The following CAB39 variants were observed in gnomAD, a reference collection of about 807,000 sequenced individuals.
The protein encoded by CAB39 is calcium-binding protein 39.
Under a neutral mutation model 40.0 loss-of-function variants are expected in CAB39, and 8 were observed. The ratio of observed to expected loss-of-function variants is 0.20; its 90% CI spans 0.12 to 0.36. The LOEUF (loss-of-function observed/expected upper bound fraction) is 0.36. CAB39 is among the 10% of genes least tolerant of loss of function. CAB39 has a pLI of 1.00. For synonymous variants in CAB39, 156 were observed against 141.6 expected (o/e 1.10, Z -0.72); for missense variants, 270 against 401.1 (o/e 0.67, Z 2.79).
At position 230,814,043 on chromosome 2, in the gene CAB39, T is replaced by C. The variant is rs996112577; in HGVS notation, c.628-6T>C. On this transcript the variant is annotated splice_region_variant and splice_polypyrimidine_tract_variant and intron_variant, in intron 6 of 8. Transcript: ENST00000258418. ...TAACCCTGATTTATGTTCTCTTATCTTTTAGTTTTTCAGTGAATATGAGAA... is the reference window on the plus strand; with the variant it reads ...TAACCCTGATTTATGTTCTCTTATCCTTTAGTTTTTCAGTGAATATGAGAA... The C allele has an allele frequency of 4.6e-6, 5 of 1,089,364 alleles. No individual in the cohort carries two copies. Among genetic ancestry groups the C allele is most frequent in the African/African-American group, 1.6e-5 (1 of 63,554 alleles). 67.5% of individuals were successfully genotyped at this position (1,089,364 alleles called of 1,614,324 possible). A position where few individuals can be genotyped will look rare whatever the true frequency, so the allele number is the denominator to read the frequency against.
chr2:230,759,965 C>A lies in CAB39; in HGVS notation c.-37C>A. 8.8e-7 allele frequency: 1 copy of A among 1,141,744 alleles called. No individual in the cohort carries two copies. The highest frequency in any genetic ancestry group is 1.3e-6 in the Non-Finnish European group (1 of 750,892). The allele number at this position is 1,141,744 out of a possible 1,614,324, so 70.7% of individuals were successfully genotyped here. On this transcript the variant is annotated 5_prime_UTR_variant, in exon 2 of 9. Transcript: ENST00000258418. Reference sequence around the variant, plus strand: ...ACCTTGTGCTGTGTTCTAGGTAGCACAGGCGGAGTGCAGCGGAGGCCCCTG... The same window carrying A: ...ACCTTGTGCTGTGTTCTAGGTAGCAAAGGCGGAGTGCAGCGGAGGCCCCTG...
intron 2 of CAB39, among the ~76,000 whole-genome samples, chr2:230,773,986 C>T (rs1435340023): frequency 6.6e-6 from 1 of 152,120 alleles, no homozygotes; most frequent in Non-Finnish European, 1.5e-5. Flanking sequence ...CATATCCTTA[C>T]ATCGATATAC....
chr2:230,719,633 A>G (rs1694410725), intron 1 of CAB39, among the ~76,000 whole-genome samples: 1 of 152,234 alleles, frequency 6.6e-6, no homozygotes, highest in South Asian at 2.1e-4. Context: ...TTACAGTGGG[A>G]AACACAGAAG....
intron 1 of CAB39, among the ~76,000 whole-genome samples, chr2:230,748,864 AT>A (rs1695035591): frequency 1.6e-5 from 2 of 128,178 alleles, no homozygotes; most frequent in African/African-American, 2.8e-5. Flanking sequence ...ATATATATAT[AT>A]ATAACAAAAT....
intron 2 of CAB39, among the ~76,000 whole-genome samples, chr2:230,772,982 T>TAA (rs10713369): frequency 0.018 from 2,061 of 114,950 alleles, 68 homozygotes; most frequent in African/African-American, 0.056. Flanking sequence ...TACTCAGCAA[T>TAA]AAAAAAAAAA....
At chr2:230,793,428 C>G in intron 4 of CAB39, 97 bp downstream of exon 4, 1 of 528,076 alleles carries the variant, frequency 1.9e-6, no homozygotes. Context: ...GAAGCATTTT[C>G]TCTGTAGTTA....
At chr2:230,716,116 G>T (rs1694345649) in intron 1 of CAB39, among the ~76,000 whole-genome samples, 1 of 152,154 alleles carries the variant, frequency 6.6e-6, no homozygotes, top group Admixed American at 6.5e-5. Context: ...GTATTAATAA[G>T]ATCTCTGTTT....
At chr2:230,741,898 G>A (rs1419098655) in intron 1 of CAB39, among the ~76,000 whole-genome samples, 2 of 152,142 alleles carry the variant, frequency 1.3e-5, no homozygotes, top group Non-Finnish European at 2.9e-5. Flanking sequence ...TGGATTTGTT[G>A]ATTTATTTTT....
intron 1 of CAB39, among the ~76,000 whole-genome samples, chr2:230,733,820 C>G (rs1261897235): frequency 6.6e-6 from 1 of 152,136 alleles, no homozygotes; most frequent in Non-Finnish European, 1.5e-5. Context: ...TTCACAAGAT[C>G]GTTTTGGGAG....
intron 1 of CAB39, among the ~76,000 whole-genome samples, chr2:230,715,791 C>T (rs1471065807): frequency 1.3e-5 from 2 of 152,180 alleles, no homozygotes; most frequent in Non-Finnish European, 2.9e-5. Flanking sequence ...CAACCTCAAC[C>T]TCCTGGGCTC....
chr2:230,743,844 T>C lies in CAB39; in HGVS notation c.-43-16115T>C, dbSNP rs61198003. Among the ~76,000 whole-genome samples the C allele has an allele frequency of 7.0e-3, 1,068 of 151,926 alleles. 9 individuals carry two copies. The highest frequency in any genetic ancestry group is 0.024 in the African/African-American group (1,007 of 41,460). ...TTTGTCTGCAGAAATCAGGTAAGTA[T>C]GTGTATGTGTGTGTATATATATGGT... On this transcript the variant is annotated intron_variant, in intron 1 of 8. Coordinates refer to ENST00000258418, the MANE Select transcript of CAB39 (RefSeq NM_016289.4).
chr2:230,792,094 T>A (rs1559612484), intron 3 of CAB39, among the ~76,000 whole-genome samples: 1 of 152,366 alleles, frequency 6.6e-6, no homozygotes, highest in African/African-American at 2.4e-5. Context: ...TATAATACTG[T>A]TAATAAAATA....
chr2:230,776,749 G>A (rs898499635), intron 2 of CAB39, among the ~76,000 whole-genome samples: 8 of 151,698 alleles, frequency 5.3e-5, no homozygotes, highest in Non-Finnish European at 4.4e-5. Context: ...GGCATGCGGT[G>A]GCACGATCTC....
intron 1 of CAB39, among the ~76,000 whole-genome samples, chr2:230,751,242 C>T (rs149774850): frequency 3.5e-4 from 53 of 152,332 alleles, no homozygotes; most frequent in African/African-American, 1.2e-3. Context: ...AGATCTAACA[C>T]ATATGTTAGT....
intron 5 of CAB39, among the ~76,000 whole-genome samples, chr2:230,810,055 C>A (rs1259817290): frequency 6.6e-6 from 1 of 152,132 alleles, no homozygotes; most frequent in Non-Finnish European, 1.5e-5. Flanking sequence ...ATCCATGACT[C>A]ATCATAATCA....
At chr2:230,817,650 C>T (rs1696425540) in intron 7 of CAB39, 104 bp from the exon 8 acceptor site, 2 of 863,866 alleles carry the variant, frequency 2.3e-6, no homozygotes, top group Admixed American at 3.0e-5. Flanking sequence ...TTTTGAGTGC[C>T]TACTAATACT....
At chr2:230,720,380 A>G (rs1366266708) in intron 1 of CAB39, among the ~76,000 whole-genome samples, 1 of 152,194 alleles carries the variant, frequency 6.6e-6, no homozygotes, top group Non-Finnish European at 1.5e-5. Flanking sequence ...GATATTCACC[A>G]CCCATTAGCA....
intron 1 of CAB39, among the ~76,000 whole-genome samples, chr2:230,750,362 C>CAT (rs1695064152): frequency 6.6e-6 from 1 of 152,228 alleles, no homozygotes; most frequent in Admixed American, 6.5e-5. Context: ...GGTCTCTTTA[C>CAT]ATATGTCCAC....
At position 230,818,635 on chromosome 2, in the gene CAB39, T is replaced by C. The variant is rs1008493706; in HGVS notation, c.957T>C (p.Phe319=). The part of the protein sequence containing the change: ...FQNDRTEDEQ[F]NDEKTYLVKQ... ...ACGACAGGACGGAGGATGAGCAGTT[T>C]AACGACGAGAAGACCTATTTAGTTA... The change falls in exon 9 of 9, where the codon TTT becomes TTC. Residue 319 remains phenylalanine, a synonymous_variant. Transcript: ENST00000258418. 13 of 1,614,086 alleles carry C rather than the reference T, an allele frequency of 8.1e-6. No homozygotes were observed. In the African/African-American group the frequency reaches 1.3e-4, roughly 17 times the overall value.
Sources: allele counts gnomAD v4.1 joint callset (sites outside exome capture counted in the v4.1 genomes callset), GRCh38; gene constraint gnomAD v4.1.1; transcripts MANE v1.5; gene names NCBI Gene and HGNC (gene_info 2026-07-23, HGNC 2026-07-21).